The following MFHAS1 variants were observed in gnomAD, a reference collection of about 807,000 sequenced individuals.
MFHAS1 encodes multifunctional ROCO family signaling regulator 1, also known as malignant fibrous histiocytoma-amplified sequence 1.
A neutral mutation model predicts 70.4 loss-of-function variants in MFHAS1; 50 were observed. The ratio of observed to expected loss-of-function variants is 0.71; its 90% CI spans 0.57 to 0.90. MFHAS1 has a LOEUF of 0.90. Ranked by LOEUF, MFHAS1 falls within the 40% of genes least tolerant of loss-of-function variation. MFHAS1 has a pLI of 0.00. For synonymous variants in MFHAS1, 952 were observed against 620.0 expected (o/e 1.54, Z -7.96); for missense variants, 1,795 against 1,347.6 (o/e 1.33, Z -5.20).
intron 1 of MFHAS1, among the ~76,000 whole-genome samples, chr8:8,863,947 T>C (rs1217434995): frequency 6.6e-6 from 1 of 152,200 alleles, no homozygotes; most frequent in Non-Finnish European, 1.5e-5. Context: ...CACCAGACCC[T>C]TCACCCATTA....
At chr8:8,852,704 G>C (rs561576228) in intron 1 of MFHAS1, among the ~76,000 whole-genome samples, 6 of 152,230 alleles carry the variant, frequency 3.9e-5, no homozygotes, top group Non-Finnish European at 8.8e-5. Flanking sequence ...ATTCCGTTCT[G>C]AAGTCCAGAG....
chr8:8,891,098 T>G lies in MFHAS1; in HGVS notation c.1961A>C (p.Asn654Thr), dbSNP rs538507714. The change falls in exon 1 of 3, where the codon AAC (asparagine) becomes ACC (threonine). Residue 654 changes from asparagine to threonine, a missense_variant. Physicochemically the swap from Asn to Thr is moderately conservative, Grantham distance 65 (BLOSUM62 0). Coordinates refer to ENST00000276282, the MANE Select transcript of MFHAS1 (RefSeq NM_004225.3). This position sits in a 1 kb window ranked among gnomAD's most constrained non-coding sequence, Gnocchi z 5.4. Reference sequence around the variant, plus strand: ...GGATCGAGGCAGTACTCTGTGTAAGTTGGGGAAGATCTCTCGGTGCTCAGC... The same window carrying G: ...GGATCGAGGCAGTACTCTGTGTAAGGTGGGGAAGATCTCTCGGTGCTCAGC... ...SVAEHREIFP[N>T]LHRVLPRSWQ... The G allele has an allele frequency of 1.2e-6, 2 of 1,613,852 alleles. No homozygotes were observed. The highest frequency in any genetic ancestry group is 1.3e-5 in the African/African-American group (1 of 75,016).
intron 1 of MFHAS1, among the ~76,000 whole-genome samples, chr8:8,834,561 C>G (rs1475301270): frequency 6.6e-6 from 1 of 152,206 alleles, no homozygotes; most frequent in African/African-American, 2.4e-5. Flanking sequence ...GTATTGATTA[C>G]AGTAACATGC....
intron 1 of MFHAS1, among the ~76,000 whole-genome samples, chr8:8,832,684 G>C (rs1052309001): frequency 2.0e-4 from 28 of 141,698 alleles, no homozygotes; most frequent in African/African-American, 7.1e-4. Flanking sequence ...GCTGGAGTGT[G>C]GTGGCTCAAT....
chr8:8,832,554 C>T (rs1343484458), intron 1 of MFHAS1, among the ~76,000 whole-genome samples: 1 of 151,412 alleles, frequency 6.6e-6, no homozygotes, highest in East Asian at 1.9e-4. Flanking sequence ...AACATAACCA[C>T]TAGAATGCCT....
At chr8:8,860,341 T>A (rs936433575) in intron 1 of MFHAS1, among the ~76,000 whole-genome samples, 1 of 152,110 alleles carries the variant, frequency 6.6e-6, no homozygotes. Context: ...CATGTAAAAA[T>A]AACAACAACC....
At chr8:8,864,944 G>C (rs909195754) in intron 1 of MFHAS1, among the ~76,000 whole-genome samples, 1 of 152,116 alleles carries the variant, frequency 6.6e-6, no homozygotes, top group South Asian at 2.1e-4. Context: ...TTACTAGAAA[G>C]GGTATCTAGT....
chr8:8,868,964 G>A (rs1024924104), intron 1 of MFHAS1, among the ~76,000 whole-genome samples: 10 of 152,178 alleles, frequency 6.6e-5, no homozygotes, highest in African/African-American at 2.4e-4. Flanking sequence ...AAGTCAGTGA[G>A]AAAAAAGATT....
intron 2 of MFHAS1, among the ~76,000 whole-genome samples, chr8:8,792,127 AC>A (rs1805738212): frequency 6.6e-6 from 1 of 152,008 alleles, no homozygotes; most frequent in Non-Finnish European, 1.5e-5. Flanking sequence ...AGTCCCAGCT[AC>A]TCGGCAGGGA....
At chr8:8,850,558 AG>A (rs1214060604) in intron 1 of MFHAS1, among the ~76,000 whole-genome samples, 3 of 152,184 alleles carry the variant, frequency 2.0e-5, no homozygotes, top group Non-Finnish European at 4.4e-5. Context: ...CAGAACACCC[AG>A]GGTCGGGTGC....
intron 1 of MFHAS1, among the ~76,000 whole-genome samples, chr8:8,852,175 G>C (rs1808270934): frequency 2.6e-5 from 4 of 152,116 alleles, no homozygotes; most frequent in Admixed American, 2.6e-4. Context: ...ATTAGCGTGA[G>C]TACTTAAAAC....
chr8:8,870,397 T>C (rs1809032706), intron 1 of MFHAS1, among the ~76,000 whole-genome samples: 2 of 151,856 alleles, frequency 1.3e-5, no homozygotes, highest in South Asian at 4.2e-4. Context: ...GCCCAGGAAG[T>C]TGAGGCTGTG....
At chr8:8,873,565 G>A (rs974426229) in intron 1 of MFHAS1, among the ~76,000 whole-genome samples, 9 of 151,278 alleles carry the variant, frequency 5.9e-5, no homozygotes, top group African/African-American at 2.2e-4. Flanking sequence ...AAGGCAAAGA[G>A]TGTGGGTAAT....
At chr8:8,826,825 T>C (rs940326597) in intron 1 of MFHAS1, among the ~76,000 whole-genome samples, 3 of 152,182 alleles carry the variant, frequency 2.0e-5, no homozygotes, top group African/African-American at 7.2e-5. Flanking sequence ...CCATCAGAAA[T>C]GCAGATGTGA....
At chr8:8,833,143 G>A (rs1013206866) in intron 1 of MFHAS1, among the ~76,000 whole-genome samples, 2 of 152,070 alleles carry the variant, frequency 1.3e-5, no homozygotes, top group Admixed American at 6.6e-5. Flanking sequence ...ATTCACCATC[G>A]TGACAACACC....
intron 2 of MFHAS1, among the ~76,000 whole-genome samples, chr8:8,788,572 G>A (rs113861269): frequency 1.2e-4 from 18 of 150,504 alleles, no homozygotes; most frequent in African/African-American, 1.8e-4. Context: ...CCAGCTACTC[G>A]GGGGGCTGAG....
At chr8:8,810,619 A>G (rs967509574) in intron 1 of MFHAS1, among the ~76,000 whole-genome samples, 10 of 152,182 alleles carry the variant, frequency 6.6e-5, no homozygotes, top group African/African-American at 2.4e-4. Flanking sequence ...TCTTTCCCCT[A>G]GCTTAGTTTA....
rs3087732 is a variant in MFHAS1 at position 8,783,827 on chromosome 8, C to G, written c.*2195G>C. The G allele has an allele frequency of 0.15, 23,269 of 152,046 alleles. 2,142 individuals are homozygous for G. The highest frequency in any genetic ancestry group is 0.22 in the Middle Eastern group (66 of 294). 9.4% of individuals were successfully genotyped at this position (152,046 alleles called of 1,614,324 possible). On this transcript the variant is annotated 3_prime_UTR_variant, in exon 3 of 3. Transcript: ENST00000276282. ...TAGACAGCTGAAGAGTCCTGTAGAG[C>G]AGAGTGATTTTTGTATCTCCAACCC...
At chr8:8,814,446 T>A (rs537170000) in intron 1 of MFHAS1, among the ~76,000 whole-genome samples, 1 of 152,328 alleles carries the variant, frequency 6.6e-6, no homozygotes, top group South Asian at 2.1e-4. Context: ...CTCTGTCATG[T>A]TCGCACGATG....
Sources: gnomAD v4.1 joint callset for allele counts (sites outside exome capture counted in the v4.1 genomes callset) on GRCh38, gnomAD v4.1.1 for gene constraint, Gnocchi (gnomAD v3.1) non-coding constraint, MANE v1.5 for transcripts, NCBI Gene and HGNC (gene_info 2026-07-23, HGNC 2026-07-21) for gene names.